MEI4: variants seen among roughly 807,000 people sequenced by gnomAD.
MEI4 encodes meiosis-specific protein MEI4.
Under a neutral mutation model 31.4 loss-of-function variants are expected in MEI4, and 27 were observed. The observed-to-expected ratio is 0.86, with a 90% CI of 0.63 to 1.19. The LOEUF (loss-of-function observed/expected upper bound fraction) is 1.19, where lower values mean the gene tolerates loss of function less well. Among genes scored for constraint, MEI4 ranks in the 50% most tolerant of loss-of-function variants. MEI4 has a pLI of 0.00. For synonymous variants in MEI4, 122 were observed against 145.4 expected, an observed-to-expected ratio of 0.84 and a Z score of 1.16; for missense variants, 329 against 398.9, an observed-to-expected ratio of 0.82 and a Z score of 1.49.
chr6:77,700,801 A>G (rs1043631803), intron 2 of MEI4, among the ~76,000 whole-genome samples: 1 of 152,172 alleles, frequency 6.6e-6, no homozygotes, highest in Non-Finnish European at 1.5e-5. Flanking sequence ...TTGTTTTTCT[A>G]CAGCTTCTTA....
At chr6:77,772,101 A>C (rs540668746) in intron 3 of MEI4, among the ~76,000 whole-genome samples, 1 of 152,044 alleles carries the variant, frequency 6.6e-6, no homozygotes, top group Non-Finnish European at 1.5e-5. Flanking sequence ...AAAATCCTGG[A>C]ATCAGTGACT....
chr6:77,669,511 A>G (rs1768698967), intron 1 of MEI4, among the ~76,000 whole-genome samples: 1 of 152,152 alleles, frequency 6.6e-6, no homozygotes, highest in African/African-American at 2.4e-5. Context: ...GTTTATTATT[A>G]CTGTTATTAT....
chr6:77,898,504 G>C (rs1305906909), intron 4 of MEI4, among the ~76,000 whole-genome samples: 1 of 151,932 alleles, frequency 6.6e-6, no homozygotes, highest in African/African-American at 2.4e-5. Flanking sequence ...TTATATGGCT[G>C]TGCTCCTTGA....
intron 3 of MEI4, among the ~76,000 whole-genome samples, chr6:77,787,035 T>C (rs1402002321): frequency 6.6e-6 from 1 of 152,166 alleles, no homozygotes; most frequent in Non-Finnish European, 1.5e-5. Context: ...AATGGTCCTG[T>C]ATTTTGGCTC....
intron 4 of MEI4, among the ~76,000 whole-genome samples, chr6:77,919,189 A>C (rs1766640986): frequency 6.6e-6 from 1 of 151,984 alleles, no homozygotes; most frequent in African/African-American, 2.4e-5. Flanking sequence ...AATCAACAGA[A>C]TATACATTTT....
intron 4 of MEI4, among the ~76,000 whole-genome samples, chr6:77,867,254 T>G (rs111749949): frequency 6.6e-6 from 1 of 152,114 alleles, no homozygotes; most frequent in Non-Finnish European, 1.5e-5. Context: ...AGCTTCTGCA[T>G]AGCAAAAGAA....
chr6:77,724,963 TATC>T (rs1177400603), intron 2 of MEI4, among the ~76,000 whole-genome samples: 4 of 133,996 alleles, frequency 3.0e-5, no homozygotes, highest in Non-Finnish European at 6.5e-5. Flanking sequence ...ACTGAAATAC[TATC>T]TTCTTCTGTT....
upstream of MEI4, among the ~76,000 whole-genome samples, chr6:77,652,496 G>A (rs541375749): frequency 5.3e-5 from 8 of 152,080 alleles, no homozygotes; most frequent in African/African-American, 7.2e-5. Context: ...ACATTATTAC[G>A]TATTGAAAGG....
Position 77,683,867 on chromosome 6 carries a change from A to C in MEI4, c.-14-6791A>C, listed in dbSNP as rs143640730. Among the ~76,000 whole-genome samples the C allele has an allele frequency of 7.9e-3, 1,202 of 152,316 alleles. 9 individuals are homozygous for C. Among genetic ancestry groups the C allele is most frequent in the Non-Finnish European group, 0.012 (793 of 68,016 alleles). ...ATTGGAGTGCAGATATCTTTTTGAC[A>C]TACTGATTTCATTTCCTTTGGATGT... On this transcript the variant is annotated intron_variant, in intron 1 of 4. Transcript: ENST00000684080.
intron 3 of MEI4, among the ~76,000 whole-genome samples, chr6:77,793,061 A>G (rs1378391882): frequency 6.6e-6 from 1 of 152,182 alleles, no homozygotes; most frequent in Non-Finnish European, 1.5e-5. Flanking sequence ...GTGTGTGTTA[A>G]TAGCAACTTT....
At chr6:77,878,479 A>G (rs1771399473) in intron 4 of MEI4, among the ~76,000 whole-genome samples, 1 of 152,126 alleles carries the variant, frequency 6.6e-6, no homozygotes, top group Non-Finnish European at 1.5e-5. Context: ...TGCAAACTTT[A>G]GATAGTGATC....
chr6:77,871,268 C>T (rs181128790), intron 4 of MEI4, among the ~76,000 whole-genome samples: 2 of 152,056 alleles, frequency 1.3e-5, no homozygotes, highest in Non-Finnish European at 2.9e-5. Context: ...AATCTTGACC[C>T]CTCGTGTTCT....
At chr6:77,683,112 A>G (rs1210170648) in intron 1 of MEI4, among the ~76,000 whole-genome samples, 1 of 152,180 alleles carries the variant, frequency 6.6e-6, no homozygotes, top group Non-Finnish European at 1.5e-5. Context: ...ACAGTTGAAG[A>G]TGTCTCAGAA....
At position 77,745,620 on chromosome 6, in the gene MEI4, A is replaced by C. The variant is rs868851555; in HGVS notation, c.233-15510A>C. 1.8e-3 allele frequency among the ~76,000 whole-genome samples: 273 copies of C among 152,254 alleles called. 1 individual carries two copies. The highest frequency in any genetic ancestry group is 5.3e-3 in the African/African-American group (222 of 41,534). The stretch of plus-strand genomic sequence containing the variant: ...GAACTCAGCTCTGCACCAAGCAGAC[A>C]TAATAGACATCTACAGAACTCTCCA... On this transcript the variant is annotated intron_variant, in intron 2 of 4. Transcript: ENST00000684080.
intron 3 of MEI4, among the ~76,000 whole-genome samples, chr6:77,805,012 T>G (rs1769391214): frequency 6.6e-6 from 1 of 152,188 alleles, no homozygotes; most frequent in South Asian, 2.1e-4. Context: ...TATAAAACAT[T>G]TTGAAATTAT....
intron 4 of MEI4, among the ~76,000 whole-genome samples, chr6:77,903,816 A>C (rs903532766): frequency 2.0e-5 from 3 of 152,076 alleles, no homozygotes; most frequent in Non-Finnish European, 4.4e-5. Context: ...CTTCATTATG[A>C]TAATGTGGTG....
chr6:77,704,357 C>T (rs1282738559), intron 2 of MEI4, among the ~76,000 whole-genome samples: 1 of 152,158 alleles, frequency 6.6e-6, no homozygotes, highest in Non-Finnish European at 1.5e-5. Flanking sequence ...GCTGCTTCAA[C>T]TCTTGTCTAA....
intron 3 of MEI4, among the ~76,000 whole-genome samples, chr6:77,800,855 G>C (rs2127700301): frequency 6.6e-6 from 1 of 152,262 alleles, no homozygotes; most frequent in Non-Finnish European, 1.5e-5. Context: ...CTTGATCATA[G>C]TGGATAAGCT....
intron 2 of MEI4, among the ~76,000 whole-genome samples, chr6:77,705,620 G>A (rs1217240133): frequency 6.6e-6 from 1 of 152,168 alleles, no homozygotes; most frequent in Non-Finnish European, 1.5e-5. Flanking sequence ...TTGGAAATGA[G>A]TATCTGTAGA....
Sources: allele counts gnomAD v4.1 joint callset (sites outside exome capture counted in the v4.1 genomes callset), GRCh38; gene constraint gnomAD v4.1.1; transcripts MANE v1.5; gene names NCBI Gene and HGNC (gene_info 2026-07-23, HGNC 2026-07-21).